The following DYNC1LI1 variants were observed in gnomAD, a reference collection of about 807,000 sequenced individuals.
DYNC1LI1 encodes dynein cytoplasmic 1 light intermediate chain 1.
DYNC1LI1 carries 19 observed loss-of-function variants against 63.8 expected under a neutral mutation model. The observed-to-expected ratio is 0.30, with a 90% CI of 0.21 to 0.44. The LOEUF (loss-of-function observed/expected upper bound fraction) is 0.44, where lower values mean the gene tolerates loss of function less well. Ranked by LOEUF, DYNC1LI1 falls within the 20% of genes least tolerant of loss-of-function variation. DYNC1LI1 has a pLI of 1.00. For synonymous variants in DYNC1LI1, 225 were observed against 232.3 expected, an observed-to-expected ratio of 0.97 and a Z score of 0.28; for missense variants, 565 against 630.2, an observed-to-expected ratio of 0.90 and a Z score of 1.11.
intron 2 of DYNC1LI1, among the ~76,000 whole-genome samples, chr3:32,564,107 C>T (rs1188227850): frequency 6.6e-6 from 1 of 152,170 alleles, no homozygotes; most frequent in African/African-American, 2.4e-5. Flanking sequence ...TGGGGACCAG[C>T]CTGGGCAACA....
At chr3:32,551,591 TAA>T (rs1308184912) in intron 2 of DYNC1LI1, among the ~76,000 whole-genome samples, 1 of 151,682 alleles carries the variant, frequency 6.6e-6, no homozygotes, top group Non-Finnish European at 1.5e-5. Context: ...AGTTTAGGAG[TAA>T]AGAGACAAGA....
At chr3:32,545,649 C>CA in intron 3 of DYNC1LI1, 200 bp downstream of exon 3, 2 of 568,656 alleles carry the variant, frequency 3.5e-6, no homozygotes, top group East Asian at 3.1e-5. Flanking sequence ...ACCAGGATAC[C>CA]TTAAGATGCT....
chr3:32,534,465 G>A, intron 7 of DYNC1LI1, 46 bp downstream of exon 7: 1 of 1,358,158 alleles, frequency 7.4e-7, no homozygotes, highest in Non-Finnish European at 1.0e-6. Flanking sequence ...CCATCAAATA[G>A]TAGCAATAAT....
intron 12 of DYNC1LI1, among the ~76,000 whole-genome samples, chr3:32,527,468 T>A (rs1697636375): frequency 6.6e-6 from 1 of 151,908 alleles, no homozygotes; most frequent in South Asian, 2.1e-4. Context: ...AACAAAAATG[T>A]AGCATCTAGA....
At chr3:32,543,490 C>A (rs958566236) in intron 4 of DYNC1LI1, among the ~76,000 whole-genome samples, 1 of 150,204 alleles carries the variant, frequency 6.7e-6, no homozygotes, top group African/African-American at 2.5e-5. Context: ...ATCTCCGCCT[C>A]CTGGGTTCAA....
chr3:32,527,952 T>C (rs1697642793), intron 12 of DYNC1LI1, among the ~76,000 whole-genome samples: 1 of 150,400 alleles, frequency 6.6e-6, no homozygotes, highest in East Asian at 2.0e-4. Flanking sequence ...GAAACACCGT[T>C]TCTACTAAAA....
intron 4 of DYNC1LI1, 118 bp downstream of exon 4, chr3:32,544,758 A>AAT: frequency 1.4e-6 from 1 of 690,546 alleles, no homozygotes; most frequent in Non-Finnish European, 2.4e-6. Flanking sequence ...AAAAAAAAAA[A>AAT]GTACTTACAA....
intron 2 of DYNC1LI1, among the ~76,000 whole-genome samples, chr3:32,556,691 GC>G (rs1314363507): frequency 6.6e-6 from 1 of 152,072 alleles, no homozygotes; most frequent in African/African-American, 2.4e-5. Context: ...ACAGGGGTGT[GC>G]CACCATGCCT....
intron 2 of DYNC1LI1, among the ~76,000 whole-genome samples, chr3:32,547,050 T>C (rs1257519356): frequency 6.6e-6 from 1 of 152,142 alleles, no homozygotes; most frequent in Non-Finnish European, 1.5e-5. Context: ...CAGACCAGCC[T>C]GGCCAGCATG....
In DYNC1LI1 at chr3:32,526,386, T is replaced by C. The variant is rs1228993199; in HGVS notation, c.*413A>G. The C allele has an allele frequency of 6.5e-6, 1 of 153,434 alleles. No homozygotes were observed. The highest frequency in any genetic ancestry group is 1.9e-4 in the East Asian group (1 of 5,222). The allele number at this position is 153,434 out of a possible 1,614,324, so 9.5% of individuals were successfully genotyped here. A position where few individuals can be genotyped will look rare whatever the true frequency, so the allele number is the denominator to read the frequency against. Reference sequence around the variant, plus strand: ...AAAACTAACAAATTTTTAAAAATGATTTTAATAGTTATAACTAAAATAAGC... The same window carrying C: ...AAAACTAACAAATTTTTAAAAATGACTTTAATAGTTATAACTAAAATAAGC... On this transcript the variant is annotated 3_prime_UTR_variant, in exon 13 of 13. Coordinates refer to ENST00000273130, the MANE Select transcript of DYNC1LI1 (RefSeq NM_016141.4).
At chr3:32,543,286 A>G (rs544440774) in intron 4 of DYNC1LI1, among the ~76,000 whole-genome samples, 1 of 152,008 alleles carries the variant, frequency 6.6e-6, no homozygotes, top group Admixed American at 6.6e-5. Context: ...TACTACATAC[A>G]TTTTAAGTTT....
rs1457637585 is a variant in DYNC1LI1, at chr3:32,528,654, T to C, written c.1307-53A>G. The C allele has an allele frequency of 2.0e-6, 3 of 1,511,080 alleles. No individual in the cohort carries two copies. In the African/African-American group the frequency reaches 4.2e-5, roughly 21 times the overall value. 93.6% of individuals were successfully genotyped at this position (1,511,080 alleles called of 1,614,324 possible). A position where few individuals can be genotyped will look rare whatever the true frequency, so the allele number is the denominator to read the frequency against. On this transcript the variant is annotated intron_variant, in intron 11 of 12. Transcript: ENST00000273130. Reference sequence around the variant, plus strand: ...TTTAGCCAAAACATAAGATTCTTCCTTAAATTATTATTACAGTAATCACAC... The same window carrying C: ...TTTAGCCAAAACATAAGATTCTTCCCTAAATTATTATTACAGTAATCACAC...
intron 5 of DYNC1LI1, among the ~76,000 whole-genome samples, chr3:32,538,840 T>C (rs1230915132): frequency 6.6e-6 from 1 of 152,124 alleles, no homozygotes; most frequent in East Asian, 1.9e-4. Context: ...CCACCATACT[T>C]CTCTCCCTTT....
intron 1 of DYNC1LI1, 74 bp downstream of exon 1, chr3:32,570,551 G>T: frequency 6.6e-7 from 1 of 1,514,660 alleles, no homozygotes; most frequent in Non-Finnish European, 8.9e-7. Context: ...GAGCTCCAGC[G>T]GGCACGGGAT....
chr3:32,543,565 A>ATT (rs113578821), intron 4 of DYNC1LI1, among the ~76,000 whole-genome samples: 13 of 140,830 alleles, frequency 9.2e-5, no homozygotes, highest in South Asian at 2.3e-4. Flanking sequence ...TGCTGGGCTA[A>ATT]TTTTTTTTTT....
intron 2 of DYNC1LI1, among the ~76,000 whole-genome samples, chr3:32,562,549 C>G (rs975958180): frequency 3.3e-5 from 5 of 152,128 alleles, no homozygotes; most frequent in African/African-American, 1.2e-4. Context: ...CTGTATTACC[C>G]AGGCTGGTCT....
At chr3:32,546,016 T>C (rs1697947491) in intron 2 of DYNC1LI1, 51 bp from the exon 3 acceptor site, 2 of 1,281,428 alleles carry the variant, frequency 1.6e-6, no homozygotes, top group Non-Finnish European at 2.2e-6. Context: ...ACCGATTATT[T>C]AAGGATGCTT....
intron 6 of DYNC1LI1, among the ~76,000 whole-genome samples, chr3:32,536,182 C>T (rs1042954400): frequency 6.6e-6 from 1 of 152,098 alleles, no homozygotes; most frequent in African/African-American, 2.4e-5. Flanking sequence ...AATTAAACGC[C>T]CACTAATGAA....
chr3:32,570,531 G>A (rs971708824), intron 1 of DYNC1LI1, 94 bp downstream of exon 1: 4 of 1,490,220 alleles, frequency 2.7e-6, no homozygotes, highest in Non-Finnish European at 3.6e-6. Flanking sequence ...CAGTGGCCGG[G>A]CCCGGCGCCG....
Sources: gnomAD v4.1 joint callset for allele counts (sites outside exome capture counted in the v4.1 genomes callset) on GRCh38, gnomAD v4.1.1 for gene constraint, MANE v1.5 for transcripts, NCBI Gene and HGNC (gene_info 2026-07-23, HGNC 2026-07-21) for gene names.